The following HS6ST2 variants were observed in gnomAD, a reference collection of about 807,000 sequenced individuals.
HS6ST2 encodes heparan-sulfate 6-O-sulfotransferase 2.
HS6ST2 carries 17 observed loss-of-function variants against 33.0 expected under a neutral mutation model. The observed-to-expected ratio is 0.52, with a 90% CI of 0.35 to 0.77. The LOEUF (loss-of-function observed/expected upper bound fraction) is 0.77, where lower values mean the gene tolerates loss of function less well. Ranked by LOEUF, HS6ST2 falls within the 30% of genes least tolerant of loss-of-function variation. HS6ST2 has a pLI of 0.01. For missense variants in HS6ST2, 519 were observed against 551.7 expected (o/e 0.94, Z 0.59); for synonymous variants, 248 against 237.1 (o/e 1.05, Z -0.42).
At chrX:132,658,241 G>T (rs1169002955) in intron 4 of HS6ST2, among the ~76,000 whole-genome samples, 1 of 111,499 alleles carries the variant, frequency 9.0e-6, no homozygotes, top group Non-Finnish European at 1.9e-5. Flanking sequence ...CTAAGCTACT[G>T]ATGAACTCTC....
intron 4 of HS6ST2, among the ~76,000 whole-genome samples, chrX:132,642,354 C>T (rs2063607475): frequency 9.0e-6 from 1 of 111,282 alleles, no homozygotes; most frequent in Non-Finnish European, 1.9e-5. Context: ...TAAATGAAGG[C>T]TTCCCTTCTT....
chrX:132,760,057 G>T (rs1167564588), intron 2 of HS6ST2, among the ~76,000 whole-genome samples: 1 of 111,727 alleles, frequency 9.0e-6, no homozygotes, highest in Non-Finnish European at 1.9e-5. Flanking sequence ...GGCATGTGTA[G>T]GTGATCAATC....
intron 4 of HS6ST2, among the ~76,000 whole-genome samples, chrX:132,653,782 G>A (rs2063710911): frequency 8.9e-6 from 1 of 112,078 alleles, no homozygotes; most frequent in Non-Finnish European, 1.9e-5. Flanking sequence ...ACTGTGGGTT[G>A]AAAGAGGGAT....
chrX:132,719,762 C>T (rs1047325482), intron 2 of HS6ST2, among the ~76,000 whole-genome samples: 1 of 112,595 alleles, frequency 8.9e-6, no homozygotes, highest in African/African-American at 3.2e-5. Context: ...TCTGCAAACC[C>T]AGATCTGACA....
At chrX:132,712,255 T>G (rs2064237662) in intron 2 of HS6ST2, among the ~76,000 whole-genome samples, 1 of 112,003 alleles carries the variant, frequency 8.9e-6, no homozygotes, top group African/African-American at 3.3e-5. Flanking sequence ...ACCATCATTC[T>G]GGTCTTCACC....
intron 2 of HS6ST2, among the ~76,000 whole-genome samples, chrX:132,764,161 C>T (rs915362050): frequency 8.9e-6 from 1 of 111,831 alleles, no homozygotes; most frequent in African/African-American, 3.2e-5. Flanking sequence ...TTCTGGGAGA[C>T]TCTCCCATAT....
intron 2 of HS6ST2, among the ~76,000 whole-genome samples, chrX:132,752,644 C>T (rs2064717787): frequency 9.0e-6 from 1 of 111,437 alleles, no homozygotes; most frequent in Non-Finnish European, 1.9e-5. Context: ...CCCAATTCCT[C>T]GCAAAACACA....
rs766727496 is a variant in HS6ST2 at position 132,849,257 on chromosome X, A to AG, written c.947+107550dup. 1.2e-4 allele frequency among the ~76,000 whole-genome samples: 13 copies of AG among 111,438 alleles called. No individual in the cohort carries two copies. The East Asian group carries it at 3.7e-3, about 31-fold the overall frequency. On this transcript the variant is annotated intron_variant, in intron 2 of 4. Coordinates refer to ENST00000370833, the MANE Select transcript of HS6ST2 (RefSeq NM_001394073.1). ...TCCAGTCCCCCCAATGGCAATGCAA[A>AG]GACACAGTCAAAAACGTGGATGCAA...
At chrX:132,811,549 T>A (rs752897015) in intron 2 of HS6ST2, among the ~76,000 whole-genome samples, 6 of 106,413 alleles carry the variant, frequency 5.6e-5, no homozygotes, top group Non-Finnish European at 1.2e-4. Flanking sequence ...AGGTACTTCA[T>A]ACAAGGGGAA....
intron 2 of HS6ST2, among the ~76,000 whole-genome samples, chrX:132,850,731 T>TACACACACACACAC (rs111520127): frequency 9.4e-6 from 1 of 105,974 alleles, no homozygotes; most frequent in African/African-American, 3.5e-5. Context: ...TTTCTACATC[T>TACACACACACACAC]ACACACACAC....
At chrX:132,873,039 G>A (rs375437883) in intron 2 of HS6ST2, among the ~76,000 whole-genome samples, 1 of 111,122 alleles carries the variant, frequency 9.0e-6, no homozygotes, top group East Asian at 2.8e-4. Flanking sequence ...ACTGCATTAA[G>A]GCCAGTTAAA....
chrX:132,743,675 C>T (rs2064605414), intron 2 of HS6ST2, among the ~76,000 whole-genome samples: 1 of 111,777 alleles, frequency 8.9e-6, no homozygotes, highest in Admixed American at 9.4e-5. Context: ...AGGCACCCAG[C>T]TAGGAAGTGG....
upstream of HS6ST2, chrX:132,958,911 A>C: frequency 3.5e-6 from 1 of 283,807 alleles, no homozygotes. Context: ...GCAGGACCAA[A>C]AAGCATTACA....
At chrX:132,798,984 G>C (rs2065211141) in intron 2 of HS6ST2, among the ~76,000 whole-genome samples, 1 of 111,915 alleles carries the variant, frequency 8.9e-6, no homozygotes, top group African/African-American at 3.2e-5. Context: ...CAGGGTAATT[G>C]CTCAGTAAAT....
intron 2 of HS6ST2, among the ~76,000 whole-genome samples, chrX:132,858,900 A>G (rs1174625160): frequency 8.9e-6 from 1 of 112,433 alleles, no homozygotes; most frequent in African/African-American, 3.2e-5. Flanking sequence ...CTAGGTCGGC[A>G]TGGCCTCACT....
At chrX:132,752,620 ACCTTCT>A (rs766835123) in intron 2 of HS6ST2, among the ~76,000 whole-genome samples, 1 of 111,790 alleles carries the variant, frequency 8.9e-6, no homozygotes, top group South Asian at 3.8e-4. Context: ...TATCAGAATC[ACCTTCT>A]CCCAGATCCC....
At chrX:132,671,446 CT>C (rs138709239) in intron 3 of HS6ST2, among the ~76,000 whole-genome samples, 1,111 of 91,185 alleles carry the variant, frequency 0.012, 5 homozygotes, top group African/African-American at 0.03. Context: ...CATTCATTCA[CT>C]TTTTTTTTTT....
chrX:132,629,535 G>C (rs1329778888), intron 4 of HS6ST2, among the ~76,000 whole-genome samples: 1 of 112,187 alleles, frequency 8.9e-6, no homozygotes, highest in Admixed American at 9.5e-5. Context: ...TACTTTATTG[G>C]AGTGAAATGG....
rs2067084579 is a variant in HS6ST2 at position 132,957,080 on chromosome X, G to A, written c.675C>T (p.Gly225=). The change falls in exon 2 of 5, where the codon GGC becomes GGT. Residue 225 remains glycine (G), a synonymous_variant. Coordinates refer to ENST00000370833, the MANE Select transcript of HS6ST2 (RefSeq NM_001394073.1). The part of the protein sequence containing the change: ...LLRKVDFDIK[G]DDLIVFLHIQ... ...TGTGCAGGAACACGATCAGGTCATC[G>A]CCCTTGATGTCGAAGTCTACCTTGC... is the stretch of plus-strand genomic sequence containing the variant. The A allele has an allele frequency of 8.3e-7, 1 of 1,211,781 alleles. No homozygotes were observed. The highest frequency in any genetic ancestry group is 1.1e-6 in the Non-Finnish European group (1 of 895,482).
Sources: gnomAD v4.1 joint callset for allele counts (sites outside exome capture counted in the v4.1 genomes callset) on GRCh38, gnomAD v4.1.1 for gene constraint, MANE v1.5 for transcripts, NCBI Gene and HGNC (gene_info 2026-07-23, HGNC 2026-07-21) for gene names.